NOD2: variants seen among roughly 807,000 people sequenced by gnomAD.
NOD2 encodes the protein nucleotide binding oligomerization domain containing 2.
In NOD2, 86 loss-of-function variants were observed where a neutral mutation model predicts 90.9. The observed-to-expected ratio is 0.95, with a 90% CI of 0.79 to 1.13. The LOEUF (loss-of-function observed/expected upper bound fraction) is 1.13, where lower values mean the gene tolerates loss of function less well. Among genes scored for constraint, NOD2 ranks in the 50% most tolerant of loss-of-function variants. The pLI is 0.00. For synonymous variants in NOD2, 581 were observed against 554.6 expected, an observed-to-expected ratio of 1.05 and a Z score of -0.67; for missense variants, 1,238 against 1,283.8, an observed-to-expected ratio of 0.96 and a Z score of 0.55.
In NOD2 at chr16:50,711,005, A is replaced by G; in HGVS notation, c.1013A>G (p.Gln338Arg). Reference protein sequence around the residue: ...WPDVGQEDIFQLLLDHPDRVL... With the variant: ...WPDVGQEDIFRLLLDHPDRVL... ...GATGTTGGTCAAGAAGACATCTTCC[A>G]GTTACTCCTTGACCACCCTGACCGT... The change falls in exon 4 of 12, where the codon CAG becomes CGG. Residue 338 changes from glutamine (Q) to arginine (R), a missense_variant. This residue lies in a region of NOD2 where 567 missense variants were observed against 577.3 expected (regional missense o/e 0.98). Coordinates refer to ENST00000647318, the MANE Select transcript of NOD2 (RefSeq NM_001370466.1). The G allele has an allele frequency of 3.1e-6, 5 of 1,614,222 alleles. No homozygotes were observed. In the South Asian group the frequency reaches 4.4e-5, roughly 14 times the overall value.
Position 50,716,908 on chromosome 16 carries a change from T to C in NOD2, c.2483T>C (p.Leu828Ser). The C allele has an allele frequency of 6.2e-7, 1 of 1,614,184 alleles. No homozygotes were observed. The highest frequency in any genetic ancestry group is 8.5e-7 in the Non-Finnish European group (1 of 1,179,996). Residue 828 changes from leucine (L) to serine (S), a missense_variant, in exon 6 of 12, where the codon TTG (leucine) becomes TCG (serine). Leu to Ser is a moderately radical substitution (Grantham distance 145). Coordinates refer to ENST00000647318, the MANE Select transcript of NOD2 (RefSeq NM_001370466.1). ...CTGAACAGTCTATTCAACAACAAAT[T>C]GACTGACGGCTGTGCACACTCCATG... ...LQKLALFNNK[L>S]TDGCAHSMAK...
chr16:50,701,784 A>C (rs1963950813), intron 2 of NOD2, among the ~76,000 whole-genome samples: 2 of 152,234 alleles, frequency 1.3e-5, no homozygotes, highest in Admixed American at 1.3e-4. Flanking sequence ...TGGGTCAAAG[A>C]AGAAATCATG....
rs1229880750 is a variant in NOD2, at chr16:50,731,770, T to C, written c.2993T>C (p.Leu998Pro). 1 of 1,613,676 alleles carries C rather than the reference T, an allele frequency of 6.2e-7. No homozygotes were observed. The change falls in exon 12 of 12, where the codon CTA becomes CCA. Residue 998 changes from leucine (L) to proline (P), a missense_variant. Leu to Pro is a moderately conservative substitution (Grantham distance 98). Around this residue, in one of 3 missense-constraint regions of NOD2, gnomAD observed 667 missense variants for 688.7 expected, o/e 0.97. Transcript: ENST00000647318. The part of the protein sequence containing the change: ...EVWLRGNTFS[L>P]EEVDKLGCRD... ...AGGCTCCGAGGGAACACTTTCTCTC[T>C]AGAGGAGGTTGACAAGCTCGGCTGC...
intron 2 of NOD2, among the ~76,000 whole-genome samples, chr16:50,701,909 A>G (rs1040472980): frequency 1.2e-4 from 19 of 152,230 alleles, no homozygotes; most frequent in African/African-American, 4.1e-4. Context: ...AGGTGCCTAG[A>G]TTAGGAAAGA....
Position 50,720,017 on chromosome 16 carries a change from G to T in NOD2, c.2633+9G>T. ...TCCTTGCAGTTCCTGGGGTAGGTTG[G>T]ATTCCAGGAAGAGGGACCTGCATGG... is the stretch of plus-strand genomic sequence containing the variant. On this transcript the variant is annotated intron_variant, in intron 7 of 11. Coordinates refer to ENST00000647318, the MANE Select transcript of NOD2 (RefSeq NM_001370466.1). 1 of 1,613,256 alleles carries T rather than the reference G, an allele frequency of 6.2e-7. No homozygotes were observed. Among genetic ancestry groups the T allele is most frequent in the African/African-American group, 1.3e-5 (1 of 75,042 alleles).
At position 50,732,422 on chromosome 16, in the gene NOD2, G is replaced by A. The variant is rs1458694449; in HGVS notation, c.*603G>A. 1 of 159,878 alleles carries A rather than the reference G, an allele frequency of 6.3e-6. No individual in the cohort carries two copies. The highest frequency in any genetic ancestry group is 1.4e-5 in the Non-Finnish European group (1 of 71,792). 9.9% of individuals were successfully genotyped at this position (159,878 alleles called of 1,614,324 possible). ...TTTCACTTACAGCACCCCCAACCCTGGCACCCAGGGTGGGAAGGGCTACAC... is the reference window on the plus strand; with the variant it reads ...TTTCACTTACAGCACCCCCAACCCTAGCACCCAGGGTGGGAAGGGCTACAC... On this transcript the variant is annotated 3_prime_UTR_variant, in exon 12 of 12. Transcript: ENST00000647318.
chr16:50,731,750 C>A lies in NOD2; in HGVS notation c.2973C>A (p.Leu991=). The change falls in exon 12 of 12, where the codon CTC becomes CTA. Residue 991 remains leucine, a synonymous_variant. Transcript: ENST00000647318. The stretch of plus-strand genomic sequence containing the variant: ...CTGTTCACTTGATCTGCTTTAGGCT[C>A]CGAGGGAACACTTTCTCTCTAGAGG... ...ERNDTILEVW[L]RGNTFSLEEV... 1 of 1,612,082 alleles carries A rather than the reference C, an allele frequency of 6.2e-7. No individual in the cohort carries two copies. Among genetic ancestry groups the A allele is most frequent in the South Asian group, 1.1e-5 (1 of 91,034 alleles).
Position 50,727,833 on chromosome 16 carries a change from C to T in NOD2, c.2886-1985C>T, listed in dbSNP as rs140423929. On this transcript the variant is annotated intron_variant, in intron 10 of 11. Transcript: ENST00000647318. ...GCATACTTCTCATATGTAATGGTTT[C>T]GCAGGGATTCAGAAAGCTGTAGGGG... 3.3e-5 allele frequency: 12 copies of T among 367,372 alleles called. No homozygotes were observed. The East Asian group carries it at 5.4e-4, about 16-fold the overall frequency. 22.8% of individuals were successfully genotyped at this position (367,372 alleles called of 1,614,324 possible). A position where few individuals can be genotyped will look rare whatever the true frequency, so the allele number is the denominator to read the frequency against.
intron 4 of NOD2, chr16:50,712,943 G>A (rs535336563): frequency 1.2e-5 from 2 of 169,466 alleles, no homozygotes; most frequent in South Asian, 2.5e-4. Context: ...AATAGAAAGT[G>A]GCTGCAGGGT....
At chr16:50,727,989 CT>C in intron 10 of NOD2, 2 of 259,046 alleles carry the variant, frequency 7.7e-6, no homozygotes, top group East Asian at 9.9e-5. Context: ...ATAAAATCCA[CT>C]TTTCATCGCA....
At position 50,710,724 on chromosome 16, in the gene NOD2, G is replaced by A. The variant is rs773516123; in HGVS notation, c.732G>A (p.Lys244=). The A allele has an allele frequency of 3.3e-5, 54 of 1,613,724 alleles. No individual in the cohort carries two copies. In the East Asian group the frequency reaches 5.1e-4, roughly 15 times the overall value. ...TGGGCATGGCTGGACCCCCGCAGAA[G>A]AGCCCAGCCACCCTGGGCCTGGAGG... is the stretch of plus-strand genomic sequence containing the variant. ...ADVGMAGPPQ[K]SPATLGLEEL... is the part of the protein sequence containing the mutation. The change falls in exon 4 of 12, where the codon AAG becomes AAA. Residue 244 remains lysine (K), a synonymous_variant. Coordinates refer to ENST00000647318, the MANE Select transcript of NOD2 (RefSeq NM_001370466.1).
At chr16:50,725,706 T>A (rs1225251892) in intron 10 of NOD2, 134 bp downstream of exon 10, 1 of 735,002 alleles carries the variant, frequency 1.4e-6, no homozygotes. Context: ...TGCCTTGGTC[T>A]AGGTGGACAA....
At chr16:50,728,253 A>C (rs1965333806) in intron 10 of NOD2, 1 of 277,024 alleles carries the variant, frequency 3.6e-6, no homozygotes, top group African/African-American at 2.2e-5. Flanking sequence ...ATGGCCTGCC[A>C]GTACACTCCT....
chr16:50,719,256 G>A (rs1964934070), intron 6 of NOD2, among the ~76,000 whole-genome samples: 1 of 152,192 alleles, frequency 6.6e-6, no homozygotes. Context: ...TTATAGGATT[G>A]TTGTGAGCTG....
chr16:50,721,224 C>A (rs1965041584), intron 7 of NOD2, among the ~76,000 whole-genome samples: 1 of 151,830 alleles, frequency 6.6e-6, no homozygotes, highest in Non-Finnish European at 1.5e-5. Context: ...ACTGAACTCT[C>A]TTCTGCTTGA....
rs746132151 is a variant in NOD2, at chr16:50,712,156, A to G, written c.2164A>G (p.Met722Val). ...FIWLIRSLYE[M>V]QEERLARKAA... ...CTGGCTCATCCGGAGCCTGTACGAG[A>G]TGCAGGAGGAGCGGCTGGCTCGGAA... is the stretch of plus-strand genomic sequence containing the variant. Residue 722 changes from methionine (M) to valine (V), a missense_variant, in exon 4 of 12, where the codon ATG becomes GTG. Met to Val is a conservative substitution (Grantham distance 21). Coordinates refer to ENST00000647318, the MANE Select transcript of NOD2 (RefSeq NM_001370466.1). The G allele has an allele frequency of 1.9e-6, 3 of 1,614,130 alleles. No individual in the cohort carries two copies. Among genetic ancestry groups the G allele is most frequent in the Non-Finnish European group, 1.7e-6 (2 of 1,180,050 alleles).
intron 1 of NOD2, chr16:50,697,787 G>A: frequency 4.1e-6 from 1 of 243,188 alleles, no homozygotes; most frequent in Non-Finnish European, 8.3e-6. Flanking sequence ...CCAGCACAGG[G>A]CCCCCTGTGC....
intron 9 of NOD2, among the ~76,000 whole-genome samples, chr16:50,724,730 G>T (rs1404536179): frequency 6.6e-6 from 1 of 152,240 alleles, no homozygotes; most frequent in Non-Finnish European, 1.5e-5. Flanking sequence ...TACAGAGGCA[G>T]TCTCAGGCCA....
chr16:50,716,729 G>T (rs190017853), intron 5 of NOD2, 59 bp downstream of exon 5: 1 of 1,559,606 alleles, frequency 6.4e-7, no homozygotes, highest in Non-Finnish European at 8.8e-7. Context: ...ACCCCAGGTC[G>T]TGCAGCCTGG....
Sources: gnomAD v4.1 joint callset for allele counts (sites outside exome capture counted in the v4.1 genomes callset) on GRCh38, gnomAD v4.1.1 for gene constraint, gnomAD v4.1.1 regional missense constraint, MANE v1.5 for transcripts, NCBI Gene and HGNC (gene_info 2026-07-23, HGNC 2026-07-21) for gene names.